Variants in CSMD2 observed in about 807,000 individuals in gnomAD.
CSMD2 encodes CUB and sushi domain-containing protein 2.
Under a neutral mutation model 398.5 loss-of-function variants are expected in CSMD2, and 130 were observed. That is an observed-to-expected ratio of 0.33 (90% confidence interval 0.28 to 0.38). CSMD2 has a LOEUF of 0.38. CSMD2 is among the 10% of genes least tolerant of loss of function. CSMD2 has a pLI of 1.00. For synonymous variants in CSMD2, 1,828 were observed against 1,908.5 expected, an observed-to-expected ratio of 0.96 and a Z score of 1.10; for missense variants, 3,829 against 4,764.9, an observed-to-expected ratio of 0.80 and a Z score of 5.78.
chr1:34,050,930 AG>A (rs1306265868), intron 2 of CSMD2, among the ~76,000 whole-genome samples: 1 of 152,142 alleles, frequency 6.6e-6, no homozygotes. Context: ...GCTAGCCCAG[AG>A]GTCTTAGTTC....
chr1:33,847,066 G>A (rs1638309726), intron 5 of CSMD2, 70 bp from the exon 6 acceptor site: 3 of 1,020,620 alleles, frequency 2.9e-6, no homozygotes, highest in Non-Finnish European at 4.4e-6. Flanking sequence ...GCATTCAGGA[G>A]TTCCTCCACT....
chr1:33,941,126 A>G (rs1355180641), intron 3 of CSMD2, among the ~76,000 whole-genome samples: 1 of 152,204 alleles, frequency 6.6e-6, no homozygotes, highest in South Asian at 2.1e-4. Flanking sequence ...CCAGAACAAT[A>G]TTATTAAAGC....
intron 49 of CSMD2, 39 bp downstream of exon 49, chr1:33,577,257 C>T (rs775704639): frequency 3.9e-6 from 6 of 1,547,528 alleles, no homozygotes; most frequent in Admixed American, 1.8e-5. Context: ...TGAGTTGGAT[C>T]CGAGCTACCT....
rs901155048 is a variant in CSMD2 at position 33,726,661 on chromosome 1, G to A, written c.2393C>T (p.Ser798Leu). The A allele has an allele frequency of 6.8e-6, 11 of 1,612,088 alleles. No homozygotes were observed. The highest frequency in any genetic ancestry group is 1.1e-5 in the South Asian group (1 of 90,940). ...CGGAGAGAGGATGGTGCCGCTGGGCGAAGTCAGGTGACCACCACAGGGAGC... is the reference window on the plus strand; with the variant it reads ...CGGAGAGAGGATGGTGCCGCTGGGCAAAGTCAGGTGACCACCACAGGGAGC... ...CEAPCGGHLT[S>L]PSGTILSPGW... The change falls in exon 16 of 71, where the codon TCG (serine) becomes TTG (leucine). Residue 798 changes from serine to leucine, a missense_variant. This residue lies in a region of CSMD2 where 2,001 missense variants were observed against 2,567.1 expected (regional missense o/e 0.78). Transcript: ENST00000373381.
At chr1:34,119,093 GAAAC>G in intron 1 of CSMD2, among the ~76,000 whole-genome samples, 1 of 152,272 alleles carries the variant, frequency 6.6e-6, no homozygotes, top group African/African-American at 2.4e-5. Flanking sequence ...ATAGACCAGT[GAAAC>G]AGAATAGAAA....
At chr1:33,849,535 G>A (rs1296357677) in intron 5 of CSMD2, among the ~76,000 whole-genome samples, 1 of 152,156 alleles carries the variant, frequency 6.6e-6, no homozygotes, top group African/African-American at 2.4e-5. Context: ...ATAGTGCAAG[G>A]AACATTTGGG....
chr1:34,018,583 T>C (rs3125616), intron 3 of CSMD2, among the ~76,000 whole-genome samples: 150,295 of 152,340 alleles, frequency 0.99, 74,177 homozygotes, highest in East Asian at 1. Flanking sequence ...TTCAGCCTAA[T>C]TTAATAGGGA....
chr1:33,612,123 G>A (rs1641047998), intron 40 of CSMD2, among the ~76,000 whole-genome samples: 1 of 152,196 alleles, frequency 6.6e-6, no homozygotes. Context: ...TGTACAGGAT[G>A]AGCAAGATCA....
At chr1:34,039,315 C>T (rs999311382) in intron 2 of CSMD2, among the ~76,000 whole-genome samples, 15 of 152,170 alleles carry the variant, frequency 9.9e-5, no homozygotes, top group Non-Finnish European at 1.6e-4. Context: ...TGCTGAATTC[C>T]CTTCCCCTTA....
chr1:34,106,895 C>G (rs1339748720), intron 1 of CSMD2, among the ~76,000 whole-genome samples: 1 of 152,222 alleles, frequency 6.6e-6, no homozygotes, highest in Non-Finnish European at 1.5e-5. Flanking sequence ...CAGAAGCCAC[C>G]ATTGCGGACC....
intron 20 of CSMD2, among the ~76,000 whole-genome samples, chr1:33,715,504 T>C (rs1380499859): frequency 3.3e-5 from 5 of 152,186 alleles, no homozygotes; most frequent in Non-Finnish European, 7.3e-5. Context: ...GTCTCTCTCA[T>C]AAGGGTTGAG....
intron 1 of CSMD2, among the ~76,000 whole-genome samples, chr1:34,117,347 G>C (rs1471481575): frequency 1.3e-5 from 2 of 151,808 alleles, no homozygotes; most frequent in Non-Finnish European, 2.9e-5. Context: ...CCAACAAATT[G>C]GATAACCTAG....
chr1:34,011,823 GATA>G (rs1195364134), intron 3 of CSMD2, among the ~76,000 whole-genome samples: 3 of 152,082 alleles, frequency 2.0e-5, no homozygotes, highest in African/African-American at 7.2e-5. Context: ...TCTTATTCAT[GATA>G]ATGATTTTTT....
chr1:33,818,279 T>C lies in CSMD2; in HGVS notation c.1324+1434A>G, dbSNP rs543989900. Among the ~76,000 whole-genome samples the C allele has an allele frequency of 5.9e-5, 9 of 152,234 alleles. No individual in the cohort carries two copies. In the East Asian group the frequency reaches 1.7e-3, roughly 29 times the overall value. Reference sequence around the variant, plus strand: ...TTGGAGTGGTATGCTATTCAATGAGTCATTCATTCCGTCATCCATTCAACA... The same window carrying C: ...TTGGAGTGGTATGCTATTCAATGAGCCATTCATTCCGTCATCCATTCAACA... On this transcript the variant is annotated intron_variant, in intron 9 of 70. Transcript: ENST00000373381.
chr1:33,955,389 C>T (rs1164968530), intron 3 of CSMD2, among the ~76,000 whole-genome samples: 5 of 152,032 alleles, frequency 3.3e-5, no homozygotes, highest in Non-Finnish European at 7.4e-5. Flanking sequence ...ATGCTTATTC[C>T]AGGAAATAAT....
chr1:33,701,471 G>C (rs1242709919), intron 22 of CSMD2, among the ~76,000 whole-genome samples: 1 of 152,234 alleles, frequency 6.6e-6, no homozygotes, highest in Non-Finnish European at 1.5e-5. Flanking sequence ...GTGATTGAGT[G>C]AAAGACCCCC....
intron 39 of CSMD2, 134 bp downstream of exon 39, chr1:33,616,772 A>G (rs1411670721): frequency 1.5e-6 from 1 of 661,916 alleles, no homozygotes; most frequent in African/African-American, 1.8e-5. Context: ...ATCAGTTTAA[A>G]ATGACTGACT....
intron 13 of CSMD2, among the ~76,000 whole-genome samples, chr1:33,750,722 G>C (rs897838159): frequency 2.6e-5 from 4 of 152,220 alleles, no homozygotes; most frequent in Non-Finnish European, 5.9e-5. Flanking sequence ...AATTAGCAGA[G>C]AGAGGGTTGA....
At chr1:33,817,894 A>G (rs1478982378) in intron 9 of CSMD2, among the ~76,000 whole-genome samples, 1 of 152,202 alleles carries the variant, frequency 6.6e-6, no homozygotes, top group Non-Finnish European at 1.5e-5. Context: ...TGACCACGTG[A>G]AAAAGCCCAG....
Sources: allele counts gnomAD v4.1 joint callset (sites outside exome capture counted in the v4.1 genomes callset), GRCh38; gene constraint gnomAD v4.1.1; regional missense constraint gnomAD v4.1.1; transcripts MANE v1.5; gene names NCBI Gene and HGNC (gene_info 2026-07-23, HGNC 2026-07-21).